Variants in TRPC1 observed in about 807,000 individuals in gnomAD.
TRPC1 encodes the protein short transient receptor potential channel 1.
In TRPC1, 42 loss-of-function variants were observed where a neutral mutation model predicts 88.2. The ratio of observed to expected loss-of-function variants is 0.48; its 90% CI spans 0.37 to 0.62. TRPC1 has a LOEUF of 0.62. Among genes scored for constraint, TRPC1 ranks in the 20% least tolerant of loss-of-function variants. The probability of loss-of-function intolerance (pLI) is 0.00; values close to 1 mark genes in which losing one functional copy is unlikely to be tolerated. For missense variants in TRPC1, 699 were observed against 957.3 expected (o/e 0.73, Z 3.56); for synonymous variants, 288 against 331.8 (o/e 0.87, Z 1.43).
At chr3:142,762,685 TC>T (rs1232251440) in intron 4 of TRPC1, among the ~76,000 whole-genome samples, 1 of 152,028 alleles carries the variant, frequency 6.6e-6, no homozygotes, top group Non-Finnish European at 1.5e-5. Context: ...TATCGTGGCC[TC>T]CCAAAGTGCT....
chr3:142,772,321 C>T (rs964825157), intron 4 of TRPC1, among the ~76,000 whole-genome samples: 2 of 152,060 alleles, frequency 1.3e-5, no homozygotes, highest in African/African-American at 4.8e-5. Context: ...TGTTCCGCAT[C>T]TCTCTTAGGC....
intron 4 of TRPC1, among the ~76,000 whole-genome samples, chr3:142,753,726 CA>C (rs1198639773): frequency 0.022 from 1,921 of 87,556 alleles, 29 homozygotes; most frequent in East Asian, 0.12. Context: ...GACTCTGCCT[CA>C]AAAAAAAAAA....
At chr3:142,760,887 G>C (rs146718409) in intron 4 of TRPC1, among the ~76,000 whole-genome samples, 24 of 151,968 alleles carry the variant, frequency 1.6e-4, no homozygotes, top group African/African-American at 5.5e-4. Flanking sequence ...TTCTTTTTCA[G>C]ATTGTTCTTT....
At chr3:142,725,162 T>TGG (rs1430044277) in intron 1 of TRPC1, among the ~76,000 whole-genome samples, 1 of 152,238 alleles carries the variant, frequency 6.6e-6, no homozygotes, top group Non-Finnish European at 1.5e-5. Context: ...ATGCCTCGTA[T>TGG]GGAGGGTTCT....
intron 2 of TRPC1, among the ~76,000 whole-genome samples, 187 bp downstream of exon 2, chr3:142,736,720 AC>A (rs1577945963): frequency 6.6e-6 from 1 of 152,060 alleles, no homozygotes; most frequent in East Asian, 1.9e-4. Context: ...AGTTTTAAAA[AC>A]AAACCAAAAA....
At chr3:142,793,737 A>G (rs1427382590) in intron 9 of TRPC1, 2 of 561,578 alleles carry the variant, frequency 3.6e-6, no homozygotes, top group Non-Finnish European at 2.3e-6. Context: ...AATCTGAACA[A>G]TATTCATTTT....
At chr3:142,745,555 A>C (rs1372213990) in intron 3 of TRPC1, among the ~76,000 whole-genome samples, 1 of 152,020 alleles carries the variant, frequency 6.6e-6, no homozygotes, top group Non-Finnish European at 1.5e-5. Context: ...GAGGCAGGAG[A>C]ATTGCTTGAG....
At chr3:142,746,137 A>G (rs2108041316) in intron 3 of TRPC1, among the ~76,000 whole-genome samples, 1 of 152,354 alleles carries the variant, frequency 6.6e-6, no homozygotes, top group African/African-American at 2.4e-5. Context: ...ACTGGCTATA[A>G]GCAGAAGAAA....
In TRPC1 at chr3:142,724,548, T is replaced by G; in HGVS notation, c.-12T>G. The G allele has an allele frequency of 6.4e-7, 1 of 1,555,510 alleles. No individual in the cohort carries two copies. Among genetic ancestry groups the G allele is most frequent in the Middle Eastern group, 2.3e-4 (1 of 4,340 alleles). On this transcript the variant is annotated 5_prime_UTR_variant, in exon 1 of 13. Coordinates refer to ENST00000476941, the MANE Select transcript of TRPC1 (RefSeq NM_001251845.2). This position sits in a 1 kb window ranked among gnomAD's most constrained non-coding sequence, Gnocchi z 5.6. ...GCCCCCGTCTCCTGGCCTGCCCCCT[T>G]CATGGGCCGCGATGATGGCGGCCCT...
chr3:142,758,325 A>G (rs74282959), intron 4 of TRPC1, among the ~76,000 whole-genome samples: 3,457 of 152,258 alleles, frequency 0.023, 60 homozygotes, highest in East Asian at 0.066. Context: ...GATACAAACT[A>G]TTTTAACTGG....
intron 3 of TRPC1, among the ~76,000 whole-genome samples, chr3:142,744,747 T>G (rs1288400256): frequency 6.6e-6 from 1 of 152,214 alleles, no homozygotes; most frequent in Non-Finnish European, 1.5e-5. Context: ...GATTTTTTTG[T>G]ACTCTTTTTA....
intron 4 of TRPC1, 147 bp downstream of exon 4, chr3:142,748,607 T>C (rs1934641881): frequency 1.4e-6 from 1 of 738,328 alleles, no homozygotes; most frequent in Admixed American, 2.9e-5. Flanking sequence ...CTTTGTTTTA[T>C]ATAATGCATT....
chr3:142,758,986 C>T (rs1409936962), intron 4 of TRPC1, among the ~76,000 whole-genome samples: 1 of 152,068 alleles, frequency 6.6e-6, no homozygotes, highest in South Asian at 2.1e-4. Context: ...TCATCCATGT[C>T]CCTACAAAGG....
intron 6 of TRPC1, among the ~76,000 whole-genome samples, chr3:142,783,931 C>T (rs1936044940): frequency 6.6e-6 from 1 of 152,084 alleles, no homozygotes; most frequent in Non-Finnish European, 1.5e-5. Context: ...TGAAATTTGT[C>T]AACTAAGAAG....
intron 1 of TRPC1, among the ~76,000 whole-genome samples, chr3:142,728,906 G>A (rs1300381798): frequency 6.6e-6 from 1 of 152,114 alleles, no homozygotes. Context: ...GTGTTATGTT[G>A]ACAATGGGGC....
chr3:142,762,323 A>G lies in TRPC1; in HGVS notation c.632+13863A>G, dbSNP rs555304268. 4.2e-3 allele frequency among the ~76,000 whole-genome samples: 645 copies of G among 151,870 alleles called. 1 individual carries two copies. Among genetic ancestry groups the G allele is most frequent in the Non-Finnish European group, 7.5e-3 (513 of 67,970 alleles). ...AGTGCTAGGATTACAGGTATGAGCCACCGTGCCTGGCCTCTTCTGTATTTT... is the reference window on the plus strand; with the variant it reads ...AGTGCTAGGATTACAGGTATGAGCCGCCGTGCCTGGCCTCTTCTGTATTTT... On this transcript the variant is annotated intron_variant, in intron 4 of 12. Coordinates refer to ENST00000476941, the MANE Select transcript of TRPC1 (RefSeq NM_001251845.2).
chr3:142,765,532 A>G (rs1935353764), intron 4 of TRPC1, among the ~76,000 whole-genome samples: 1 of 152,106 alleles, frequency 6.6e-6, no homozygotes. Flanking sequence ...CCACCATGTG[A>G]TCTTTGACAA....
chr3:142,790,509 A>C (rs9847616), intron 7 of TRPC1, among the ~76,000 whole-genome samples: 4,375 of 152,272 alleles, frequency 0.029, 225 homozygotes, highest in African/African-American at 0.1. Flanking sequence ...GAACTTAAAT[A>C]TATAAACTTG....
chr3:142,781,886 A>G (rs1341818729), intron 6 of TRPC1, among the ~76,000 whole-genome samples: 2 of 152,178 alleles, frequency 1.3e-5, no homozygotes, highest in African/African-American at 4.8e-5. Flanking sequence ...GGCCTGAAAT[A>G]TATAATGATA....
Sources: allele counts gnomAD v4.1 joint callset (sites outside exome capture counted in the v4.1 genomes callset), GRCh38; gene constraint gnomAD v4.1.1; non-coding constraint Gnocchi (gnomAD v3.1); transcripts MANE v1.5; gene names NCBI Gene and HGNC (gene_info 2026-07-23, HGNC 2026-07-21).